TIGAR: variants seen among roughly 807,000 people sequenced by gnomAD.
TIGAR encodes the protein TP53 induced glycolysis regulatory phosphatase, also known as fructose-2,6-bisphosphatase TIGAR.
A neutral mutation model predicts 17.9 loss-of-function variants in TIGAR; 7 were observed. The ratio of observed to expected loss-of-function variants is 0.39; its 90% confidence interval spans 0.22 to 0.73. TIGAR has a LOEUF of 0.73. Among genes scored for constraint, TIGAR ranks in the 30% least tolerant of loss-of-function variants. The pLI, the probability that TIGAR is intolerant of heterozygous loss-of-function variation, is 0.42. For synonymous variants in TIGAR, 94 were observed against 108.6 expected (o/e 0.87, Z 0.84); for missense variants, 258 against 327.4 (o/e 0.79, Z 1.64).
At position 4,353,881 on chromosome 12, in the gene TIGAR, G is replaced by C. The variant is rs1283322975; in HGVS notation, c.*1190G>C. ...GGGTGGTTGGGGGGGAGAGAATGTT[G>C]CTCTGATAACCACAGCTGTGGTTAT... On this transcript the variant is annotated 3_prime_UTR_variant, in exon 6 of 6. Coordinates refer to ENST00000179259, the MANE Select transcript of TIGAR (RefSeq NM_020375.3). The C allele has an allele frequency of 6.6e-6, 1 of 152,612 alleles. No individual in the cohort carries two copies. The highest frequency in any genetic ancestry group is 1.9e-4 in the East Asian group (1 of 5,196). The allele number at this position is 152,612 out of a possible 1,614,324, so 9.5% of individuals were successfully genotyped here.
chr12:4,346,594 A>G lies in TIGAR; in HGVS notation c.193-3225A>G, dbSNP rs182303203. 8.2e-3 allele frequency among the ~76,000 whole-genome samples: 1,239 copies of G among 151,122 alleles called. 5 individuals are homozygous for G. Among genetic ancestry groups the G allele is most frequent in the Non-Finnish European group, 0.013 (904 of 67,792 alleles). ...CACAGGAAGGGGAACATCACACACCAGGGCCTGTTGTGGGATGGGGGGACG... is the reference window on the plus strand; with the variant it reads ...CACAGGAAGGGGAACATCACACACCGGGGCCTGTTGTGGGATGGGGGGACG... On this transcript the variant is annotated intron_variant, in intron 3 of 5. Transcript: ENST00000179259.
chr12:4,326,995 C>A (rs1864552841), intron 1 of TIGAR, among the ~76,000 whole-genome samples: 1 of 152,078 alleles, frequency 6.6e-6, no homozygotes, highest in Non-Finnish European at 1.5e-5. Flanking sequence ...AAACTTTAGA[C>A]AAATTAGACT....
Position 4,352,398 on chromosome 12 carries a change from A to G in TIGAR, c.520A>G (p.Lys174Glu). Residue 174 changes from lysine to glutamate, a missense_variant, in exon 6 of 6, where the codon AAA becomes GAA. Physicochemically the swap from Lys to Glu is moderately conservative, Grantham distance 56. Coordinates refer to ENST00000179259, the MANE Select transcript of TIGAR (RefSeq NM_020375.3). The stretch of plus-strand genomic sequence containing the variant: ...TTTGGCAGAGATATTTCCTTTAGGA[A>G]AAAATCACAGCTCTAAAGTTAATTC... ...TSLAEIFPLG[K>E]NHSSKVNSDS... is the part of the protein sequence containing the mutation. 2 of 1,614,204 alleles carry G rather than the reference A, an allele frequency of 1.2e-6. No individual in the cohort carries two copies. The highest frequency in any genetic ancestry group is 1.7e-6 in the Non-Finnish European group (2 of 1,180,026).
chr12:4,322,003 T>A (rs528265021), intron 1 of TIGAR, among the ~76,000 whole-genome samples: 261 of 151,662 alleles, frequency 1.7e-3, no homozygotes, highest in Non-Finnish European at 2.1e-3. Context: ...TTTTTATTTT[T>A]TTTTTTTTGT....
At chr12:4,331,427 A>G (rs1338167647) in intron 2 of TIGAR, 110 bp downstream of exon 2, 18 of 981,816 alleles carry the variant, frequency 1.8e-5, no homozygotes, top group Admixed American at 1.9e-5. Flanking sequence ...TCCATTGTGA[A>G]TTGGGATTAC....
chr12:4,352,974 G>A lies in TIGAR; in HGVS notation c.*283G>A. On this transcript the variant is annotated 3_prime_UTR_variant, in exon 6 of 6. Transcript: ENST00000179259. The stretch of plus-strand genomic sequence containing the variant: ...AAGGAACTCAGCATTGAAAGTTGGG[G>A]GATTAGTAACCTTGTTACAACGGTT... The A allele has an allele frequency of 2.7e-6, 1 of 366,088 alleles. No homozygotes were observed. Among genetic ancestry groups the A allele is most frequent in the Non-Finnish European group, 4.9e-6 (1 of 203,414 alleles). The allele number at this position is 366,088 out of a possible 1,614,324, so 22.7% of individuals were successfully genotyped here. A position where few individuals can be genotyped will look rare whatever the true frequency, so the allele number is the denominator to read the frequency against.
At chr12:4,341,956 C>G (rs138191139) in intron 3 of TIGAR, among the ~76,000 whole-genome samples, 1,587 of 152,210 alleles carry the variant, frequency 0.01, 21 homozygotes, top group African/African-American at 0.037. Context: ...GGAGGAAGTT[C>G]GAACCCATTG....
intron 3 of TIGAR, among the ~76,000 whole-genome samples, chr12:4,340,484 C>G (rs755043513): frequency 6.6e-6 from 1 of 152,156 alleles, no homozygotes; most frequent in Non-Finnish European, 1.5e-5. Context: ...CCAAAGCAAT[C>G]TACAGATTCA....
At position 4,321,226 on chromosome 12, in the gene TIGAR, G is replaced by C; in HGVS notation, c.-46G>C. On this transcript the variant is annotated 5_prime_UTR_variant, in exon 1 of 6. Coordinates refer to ENST00000179259, the MANE Select transcript of TIGAR (RefSeq NM_020375.3). The surrounding 1 kb of genome is among the most constrained non-coding windows in gnomAD (Gnocchi z 5.2). ...TGTGGGGGAGGTAGCCCGCAGTGCA[G>C]GGGCAGCGCGGCGCGGGGCCACCGA... The C allele has an allele frequency of 6.3e-7, 1 of 1,598,966 alleles. No individual in the cohort carries two copies. The highest frequency in any genetic ancestry group is 1.7e-4 in the Middle Eastern group (1 of 6,058).
At position 4,358,814 on chromosome 12, in the gene TIGAR, G is replaced by A. The variant is rs534114276; in HGVS notation, c.*6123G>A. Among the ~76,000 whole-genome samples, 9 of 150,104 alleles carry A rather than the reference G, an allele frequency of 6.0e-5. No individual in the cohort carries two copies. In the South Asian group the frequency reaches 1.3e-3, roughly 21 times the overall value. On this transcript the variant is annotated 3_prime_UTR_variant, in exon 6 of 6. Coordinates refer to ENST00000179259, the MANE Select transcript of TIGAR (RefSeq NM_020375.3). ...TTGTCATGTTTCTTCATGTCCTTCC[G>A]TCTACTCCTTTGCCTTCCTTTGCCC...
At chr12:4,338,479 C>A (rs1034601632) in intron 3 of TIGAR, among the ~76,000 whole-genome samples, 4 of 152,094 alleles carry the variant, frequency 2.6e-5, no homozygotes, top group African/African-American at 9.7e-5. Context: ...TTAATTTTTA[C>A]ATAACTTAAA....
chr12:4,343,546 G>A (rs1051056162), intron 3 of TIGAR, among the ~76,000 whole-genome samples: 2 of 152,208 alleles, frequency 1.3e-5, no homozygotes, highest in African/African-American at 4.8e-5. Context: ...TCAGACCATA[G>A]TGCAATCAAA....
intron 3 of TIGAR, among the ~76,000 whole-genome samples, chr12:4,340,043 A>G (rs571118653): frequency 1.3e-5 from 2 of 152,340 alleles, no homozygotes; most frequent in South Asian, 2.1e-4. Context: ...CTGTTATTCA[A>G]CGTAGTACTG....
At chr12:4,349,103 G>A (rs1012019425) in intron 3 of TIGAR, among the ~76,000 whole-genome samples, 3 of 151,912 alleles carry the variant, frequency 2.0e-5, no homozygotes, top group Admixed American at 6.6e-5. Context: ...ATTAGAATGG[G>A]GATTAGTAAA....
rs1864885442 is a variant in TIGAR at position 4,355,148 on chromosome 12, C to T, written c.*2457C>T. ...AAGACTTCTCTACCATGAGGTCATA[C>T]AGTAATGTCTTCTTACAGTTTTTGA... On this transcript the variant is annotated 3_prime_UTR_variant, in exon 6 of 6. Coordinates refer to ENST00000179259, the MANE Select transcript of TIGAR (RefSeq NM_020375.3). Among the ~76,000 whole-genome samples, 1 of 152,106 alleles carries T rather than the reference C, an allele frequency of 6.6e-6. No individual in the cohort carries two copies. The highest frequency in any genetic ancestry group is 1.5e-5 in the Non-Finnish European group (1 of 68,018).
intron 1 of TIGAR, among the ~76,000 whole-genome samples, chr12:4,329,015 T>C (rs1011360965): frequency 1.1e-4 from 17 of 152,232 alleles, no homozygotes; most frequent in Admixed American, 1.1e-3. Flanking sequence ...AGTTTCATGT[T>C]TATCCTTCCA....
chr12:4,341,276 A>C (rs112161307), intron 3 of TIGAR, among the ~76,000 whole-genome samples: 3 of 77,528 alleles, frequency 3.9e-5, no homozygotes, highest in East Asian at 6.5e-4. Context: ...TGACAAAGAG[A>C]GGGGGGGCGG....
In TIGAR at chr12:4,352,958, A is replaced by C. The variant is rs1199943829; in HGVS notation, c.*267A>C. 1 of 390,158 alleles carries C rather than the reference A, an allele frequency of 2.6e-6. No homozygotes were observed. The highest frequency in any genetic ancestry group is 4.0e-5 in the Admixed American group (1 of 24,890). 24.2% of individuals were successfully genotyped at this position (390,158 alleles called of 1,614,324 possible). A position where few individuals can be genotyped will look rare whatever the true frequency, so the allele number is the denominator to read the frequency against. On this transcript the variant is annotated 3_prime_UTR_variant, in exon 6 of 6. Coordinates refer to ENST00000179259, the MANE Select transcript of TIGAR (RefSeq NM_020375.3). ...TTGCACATGGATGATGAAGGAACTC[A>C]GCATTGAAAGTTGGGGGATTAGTAA...
At chr12:4,350,732 G>A (rs1471214954) in intron 4 of TIGAR, among the ~76,000 whole-genome samples, 2 of 150,524 alleles carry the variant, frequency 1.3e-5, no homozygotes, top group African/African-American at 4.9e-5. Flanking sequence ...AGCTGAGATC[G>A]CGCCACGGCA....
Sources: gnomAD v4.1 joint callset for allele counts (sites outside exome capture counted in the v4.1 genomes callset) on GRCh38, gnomAD v4.1.1 for gene constraint, Gnocchi (gnomAD v3.1) non-coding constraint, MANE v1.5 for transcripts, NCBI Gene and HGNC (gene_info 2026-07-23, HGNC 2026-07-21) for gene names.